PRKG2: variants seen among roughly 807,000 people sequenced by gnomAD.
PRKG2 encodes the protein protein kinase cGMP-dependent 2, also known as cGMP-dependent protein kinase 2.
PRKG2 carries 33 observed loss-of-function variants against 97.2 expected under a neutral mutation model. The ratio of observed to expected loss-of-function variants is 0.34; its 90% CI spans 0.26 to 0.45. The LOEUF is 0.45. Among genes scored for constraint, PRKG2 ranks in the 20% least tolerant of loss-of-function variants. PRKG2 has a pLI of 1.00. For missense variants in PRKG2, 638 were observed against 900.0 expected, an observed-to-expected ratio of 0.71 and a Z score of 3.73; for synonymous variants, 330 against 321.8, an observed-to-expected ratio of 1.03 and a Z score of -0.27.
At chr4:81,158,193 C>A (rs1749280427) in intron 6 of PRKG2, among the ~76,000 whole-genome samples, 1 of 146,994 alleles carries the variant, frequency 6.8e-6, no homozygotes, top group Non-Finnish European at 1.5e-5. Context: ...ATTGTCTCAG[C>A]CCAAAATCTC....
chr4:81,100,834 A>T (rs1240706362), intron 17 of PRKG2, among the ~76,000 whole-genome samples: 3 of 152,236 alleles, frequency 2.0e-5, no homozygotes, highest in East Asian at 1.9e-4. Context: ...AAGGGCTAAT[A>T]TCCAGAATCT....
chr4:81,211,602 G>A (rs1175796805), intron 1 of PRKG2, among the ~76,000 whole-genome samples: 4 of 152,116 alleles, frequency 2.6e-5, no homozygotes, highest in African/African-American at 9.7e-5. Flanking sequence ...ATAAGGAATG[G>A]AGTAAAAAGA....
At chr4:81,179,182 A>C (rs762856733) in intron 2 of PRKG2, among the ~76,000 whole-genome samples, 11 of 152,238 alleles carry the variant, frequency 7.2e-5, no homozygotes, top group Middle Eastern at 3.4e-3. Flanking sequence ...CAATTAAAAA[A>C]TGTCAAGCAC....
At chr4:81,189,066 TAAAAA>T in intron 2 of PRKG2, among the ~76,000 whole-genome samples, 11 of 17,066 alleles carry the variant, frequency 6.4e-4, no homozygotes, top group East Asian at 3.4e-3. Context: ...AAAAAAATAA[TAAAAA>T]AAAAAAAAAA....
At chr4:81,143,167 G>A (rs560795548) in intron 10 of PRKG2, among the ~76,000 whole-genome samples, 95 of 152,250 alleles carry the variant, frequency 6.2e-4, no homozygotes, top group African/African-American at 2.1e-3. Context: ...CATATACCAG[G>A]AAATAGACGA....
intron 14 of PRKG2, among the ~76,000 whole-genome samples, chr4:81,113,085 A>C (rs1238523006): frequency 2.0e-5 from 3 of 152,256 alleles, no homozygotes; most frequent in Non-Finnish European, 2.9e-5. Flanking sequence ...CCTGAGATGG[A>C]ATTATGCATG....
chr4:81,139,487 G>T (rs1747038866), intron 12 of PRKG2, among the ~76,000 whole-genome samples: 1 of 151,934 alleles, frequency 6.6e-6, no homozygotes, highest in South Asian at 2.1e-4. Flanking sequence ...ATAAAAACAG[G>T]CTGGGCGCAG....
intron 3 of PRKG2, among the ~76,000 whole-genome samples, chr4:81,174,433 AT>A (rs1750745731): frequency 6.6e-6 from 1 of 152,006 alleles, no homozygotes; most frequent in Non-Finnish European, 1.5e-5. Context: ...CTAAGTGTGC[AT>A]TTTACCTCCA....
intron 15 of PRKG2, among the ~76,000 whole-genome samples, chr4:81,109,069 C>T (rs531179195): frequency 5.5e-4 from 84 of 152,278 alleles, no homozygotes; most frequent in East Asian, 1.9e-3. Flanking sequence ...AAATAGAATT[C>T]GTTGTGCCCA....
intron 17 of PRKG2, among the ~76,000 whole-genome samples, chr4:81,094,951 TAAAG>T (rs747455485): frequency 7.2e-5 from 11 of 152,090 alleles, no homozygotes; most frequent in Non-Finnish European, 1.5e-4. Flanking sequence ...GCTTTAGAGA[TAAAG>T]AAAGACCACA....
intron 2 of PRKG2, among the ~76,000 whole-genome samples, chr4:81,177,693 C>G (rs1751056165): frequency 6.6e-6 from 1 of 152,080 alleles, no homozygotes; most frequent in Non-Finnish European, 1.5e-5. Flanking sequence ...GAGCAAGACT[C>G]CATCTCAAAA....
chr4:81,217,033 A>ATATATATATATATATATATATATATG (rs1754300013), upstream of PRKG2, among the ~76,000 whole-genome samples: 1 of 131,586 alleles, frequency 7.6e-6, no homozygotes, highest in African/African-American at 3.2e-5. Context: ...TATATTTTGT[A>ATATATATATATATATATATATATATG]TATATATATA....
rs1454005839 is a variant in PRKG2 at position 81,204,886 on chromosome 4, C to T, written c.162G>A (p.Leu54=). ...IQEREYHLKE[L]REQLSKQTVA... Reference sequence around the variant, plus strand: ...CAGTCTGCTTCGACAGCTGCTCCCGCAGCTCCTTCAAATGGTACTCCCGCT... The same window carrying T: ...CAGTCTGCTTCGACAGCTGCTCCCGTAGCTCCTTCAAATGGTACTCCCGCT... The change falls in exon 2 of 19, where the codon CTG becomes CTA. Residue 54 remains leucine, a synonymous_variant. Transcript: ENST00000264399. The T allele has an allele frequency of 6.2e-7, 1 of 1,614,228 alleles. No individual in the cohort carries two copies. Among genetic ancestry groups the T allele is most frequent in the African/African-American group, 1.3e-5 (1 of 75,054 alleles).
intron 5 of PRKG2, among the ~76,000 whole-genome samples, 163 bp from the exon 6 acceptor site, chr4:81,167,387 T>G (rs1207816066): frequency 1.3e-5 from 2 of 152,100 alleles, no homozygotes; most frequent in East Asian, 3.9e-4. Context: ...ATAACTGAAT[T>G]TCATATACAC....
chr4:81,155,342 G>A, intron 6 of PRKG2, among the ~76,000 whole-genome samples: 1 of 151,928 alleles, frequency 6.6e-6, no homozygotes, highest in Non-Finnish European at 1.5e-5. Context: ...AATGGAAGAT[G>A]AAATGAATGA....
intron 9 of PRKG2, 131 bp from the exon 10 acceptor site, chr4:81,144,461 A>C: frequency 1.5e-6 from 1 of 685,730 alleles, no homozygotes; most frequent in East Asian, 2.8e-5. Flanking sequence ...AATTTATGAA[A>C]TATTGAAGTT....
At chr4:81,147,160 T>C (rs978502516) in intron 9 of PRKG2, among the ~76,000 whole-genome samples, 4 of 152,332 alleles carry the variant, frequency 2.6e-5, no homozygotes, top group South Asian at 2.1e-4. Context: ...ATAAAATTAT[T>C]GCATCCTCTT....
At chr4:81,165,720 T>C (rs1749925194) in intron 6 of PRKG2, among the ~76,000 whole-genome samples, 1 of 152,190 alleles carries the variant, frequency 6.6e-6, no homozygotes, top group East Asian at 1.9e-4. Context: ...AAGATGAGTT[T>C]TTCAAATTTG....
rs1344204545 is a variant in PRKG2, at chr4:81,152,033, C to T, written c.1012G>A (p.Glu338Lys). The change falls in exon 8 of 19, where the codon GAA (glutamate) becomes AAA (lysine). Residue 338 changes from glutamate (E) to lysine (K), a missense_variant. Transcript: ENST00000264399. ...ATCAGCTGTGGTTGATCATGGCCTT[C>T]TGTGCTCTGTGTTACTTTTACCTAA... ...KGKVKVTQST[E>K]GHDQPQLIKT... 1.2e-6 allele frequency: 2 copies of T among 1,612,262 alleles called. No homozygotes were observed. Among genetic ancestry groups the T allele is most frequent in the African/African-American group, 2.7e-5 (2 of 74,870 alleles).
Sources: gnomAD v4.1 joint callset for allele counts (sites outside exome capture counted in the v4.1 genomes callset) on GRCh38, gnomAD v4.1.1 for gene constraint, MANE v1.5 for transcripts, NCBI Gene and HGNC (gene_info 2026-07-23, HGNC 2026-07-21) for gene names.